CACNA1C: variants seen among roughly 807,000 people sequenced by gnomAD.
CACNA1C encodes the protein calcium voltage-gated channel subunit alpha1 C.
A neutral mutation model predicts 229.0 loss-of-function variants in CACNA1C; 30 were observed. That is an observed-to-expected ratio of 0.13 (90% confidence interval 0.10 to 0.18). The LOEUF (loss-of-function observed/expected upper bound fraction) is 0.18. CACNA1C is among the 10% of genes least tolerant of loss of function. CACNA1C has a pLI of 1.00. For missense variants in CACNA1C, 1,658 were observed against 2,845.0 expected (o/e 0.58, Z 9.49); for synonymous variants, 1,114 against 1,132.5 (o/e 0.98, Z 0.33).
At chr12:2,612,122 C>T (rs962493607) in intron 29 of CACNA1C, 109 bp downstream of exon 29, 88 of 700,068 alleles carry the variant, frequency 1.3e-4, no homozygotes, top group South Asian at 9.6e-4. Context: ...AAAAAGGCAT[C>T]GGTGAAGGAC....
intron 34 of CACNA1C, among the ~76,000 whole-genome samples, chr12:2,661,916 A>G (rs1170769420): frequency 6.6e-6 from 1 of 152,208 alleles, no homozygotes. Context: ...CACTTTTTCA[A>G]TGTTATTATT....
chr12:2,565,425 C>G (rs918006065), intron 11 of CACNA1C, among the ~76,000 whole-genome samples: 1 of 149,432 alleles, frequency 6.7e-6, no homozygotes, highest in Admixed American at 6.7e-5. Flanking sequence ...CGAGATTGCG[C>G]CACTGCAGTC....
At chr12:2,208,695 G>C (rs1043556267) in intron 3 of CACNA1C, among the ~76,000 whole-genome samples, 1 of 152,190 alleles carries the variant, frequency 6.6e-6, no homozygotes, top group Non-Finnish European at 1.5e-5. Context: ...ATGCACAGTA[G>C]CTGAAGATCA....
At chr12:2,068,317 A>G (rs2154522158) in intron 1 of CACNA1C, among the ~76,000 whole-genome samples, 1 of 152,258 alleles carries the variant, frequency 6.6e-6, no homozygotes, top group South Asian at 2.1e-4. Context: ...ACATATGCAG[A>G]GGACTCTGGT....
chr12:1,976,394 A>T (rs2034371904), intron 1 of CACNA1C, among the ~76,000 whole-genome samples: 1 of 152,184 alleles, frequency 6.6e-6, no homozygotes. Context: ...CATTAAATGC[A>T]GGCTTAAAAG....
intron 3 of CACNA1C, among the ~76,000 whole-genome samples, chr12:2,203,505 C>G (rs1206427726): frequency 6.6e-6 from 1 of 152,248 alleles, no homozygotes; most frequent in African/African-American, 2.4e-5. Context: ...TTCTCGCCAT[C>G]TCCCGTGGAG....
chr12:2,589,804 G>A (rs2064364937), intron 18 of CACNA1C, among the ~76,000 whole-genome samples: 1 of 152,196 alleles, frequency 6.6e-6, no homozygotes, highest in South Asian at 2.1e-4. Context: ...GACAGGGGAT[G>A]GTGCCGGAGA....
rs2095989734 is a variant in CACNA1C, at chr12:2,664,906, C to T, written c.4314C>T (p.Ser1438=). 1 of 1,613,762 alleles carries T rather than the reference C, an allele frequency of 6.2e-7. No individual in the cohort carries two copies. The highest frequency in any genetic ancestry group is 1.3e-5 in the African/African-American group (1 of 74,940). ...GKKCAPESEP[S]NSTEGETPCG... is the part of the protein sequence containing the mutation. ...AGTGTGCCCCAGAGTCCGAGCCCAG[C>T]AACAGCACGGAGGGTGAAACACCCT... The change falls in exon 35 of 47, where the codon AGC becomes AGT. Residue 1438 remains serine (S), a synonymous_variant. Transcript: ENST00000399655.
chr12:2,052,958 A>T, upstream of CACNA1C: 1 of 975,142 alleles, frequency 1.0e-6, no homozygotes, highest in Non-Finnish European at 1.2e-6. Flanking sequence ...GGCCGGGGGG[A>T]GTGAGCGCGG....
At chr12:2,628,176 C>A (rs899505203) in intron 29 of CACNA1C, among the ~76,000 whole-genome samples, 1 of 152,206 alleles carries the variant, frequency 6.6e-6, no homozygotes, top group Non-Finnish European at 1.5e-5. Flanking sequence ...GAGCGAAGGA[C>A]TCGGAATTGA....
rs367866174 is a variant in CACNA1C, at chr12:2,403,100, C to T, written c.478-45876C>T. Among the ~76,000 whole-genome samples, 1 of 152,234 alleles carries T rather than the reference C, an allele frequency of 6.6e-6. No homozygotes were observed. The highest frequency in any genetic ancestry group is 2.1e-4 in the South Asian group (1 of 4,824). On this transcript the variant is annotated intron_variant, in intron 3 of 46. Coordinates refer to ENST00000399655, the MANE Select transcript of CACNA1C (RefSeq NM_000719.7). This position sits in a 1 kb window ranked among gnomAD's most constrained non-coding sequence, Gnocchi z 4.1. ...GTGTGTAGGCAGCAGCACACAGATA[C>T]GGGGCTAGGACGTAGGCCTGGAGTG...
intron 8 of CACNA1C, among the ~76,000 whole-genome samples, chr12:2,511,139 A>G (rs868309986): frequency 1.8e-4 from 27 of 152,324 alleles, no homozygotes; most frequent in Middle Eastern, 3.4e-3. Context: ...AATCAAATTT[A>G]AGAAGAAAAT....
At chr12:2,652,466 T>C (rs1056843680) in intron 32 of CACNA1C, among the ~76,000 whole-genome samples, 2 of 152,230 alleles carry the variant, frequency 1.3e-5, no homozygotes, top group Non-Finnish European at 2.9e-5. Flanking sequence ...GCAGAACCCG[T>C]GAAGGCGGTT....
At chr12:2,091,896 G>A (rs1170140817) in intron 1 of CACNA1C, among the ~76,000 whole-genome samples, 1 of 152,200 alleles carries the variant, frequency 6.6e-6, no homozygotes, top group African/African-American at 2.4e-5. Flanking sequence ...GTTTGGCTTT[G>A]CCTGGGTGGG....
At chr12:2,422,113 G>A (rs1482148988) in intron 3 of CACNA1C, among the ~76,000 whole-genome samples, 1 of 152,096 alleles carries the variant, frequency 6.6e-6, no homozygotes, top group African/African-American at 2.4e-5. Context: ...ACAAAATGCG[G>A]CCCATTCAGT....
chr12:2,274,277 T>C (rs1294176022), intron 3 of CACNA1C, among the ~76,000 whole-genome samples: 1 of 152,236 alleles, frequency 6.6e-6, no homozygotes, highest in Non-Finnish European at 1.5e-5. Flanking sequence ...TCACTGCGTG[T>C]GTTCATTTCA....
chr12:2,126,833 C>T (rs919000400), intron 3 of CACNA1C, among the ~76,000 whole-genome samples: 1 of 152,238 alleles, frequency 6.6e-6, no homozygotes, highest in African/African-American at 2.4e-5. Flanking sequence ...ATGCCCAGCA[C>T]AGGCGAATGT....
rs572451928 is a variant in CACNA1C at position 2,453,165 on chromosome 12, C to G, written c.617+4050C>G. The stretch of plus-strand genomic sequence containing the variant: ...GGGAAGCTCCTCTGGACTAGAGGAG[C>G]CAGAACGCCAGTCACGCAGCCAGTC... On this transcript the variant is annotated intron_variant, in intron 4 of 46. Transcript: ENST00000399655. Among the ~76,000 whole-genome samples the G allele has an allele frequency of 2.6e-5, 4 of 152,230 alleles. No homozygotes were observed. In the South Asian group the frequency reaches 8.3e-4, roughly 32 times the overall value.
chr12:2,438,276 T>C (rs74183742), intron 3 of CACNA1C, among the ~76,000 whole-genome samples: 2,625 of 129,476 alleles, frequency 0.02, 92 homozygotes, highest in African/African-American at 0.075. Flanking sequence ...GTGGTGGTAA[T>C]GATAGTGGTA....
Sources: allele counts gnomAD v4.1 joint callset (sites outside exome capture counted in the v4.1 genomes callset), GRCh38; gene constraint gnomAD v4.1.1; non-coding constraint Gnocchi (gnomAD v3.1); transcripts MANE v1.5; gene names NCBI Gene and HGNC (gene_info 2026-07-23, HGNC 2026-07-21).